The following ZFP64 variants were observed in gnomAD, a reference collection of about 807,000 sequenced individuals.
ZFP64 encodes the protein zinc finger protein 64.
Under a neutral mutation model 51.6 loss-of-function variants are expected in ZFP64, and 14 were observed. The observed-to-expected ratio is 0.27, with a 90% CI of 0.18 to 0.42. The LOEUF (loss-of-function observed/expected upper bound fraction) is 0.42. Ranked by LOEUF, ZFP64 falls within the 10% of genes least tolerant of loss-of-function variation. ZFP64 has a pLI of 1.00. For synonymous variants in ZFP64, 375 were observed against 361.4 expected (o/e 1.04, Z -0.43); for missense variants, 754 against 906.8 (o/e 0.83, Z 2.16).
Position 52,145,059 on chromosome 20 carries a change from C to T in ZFP64, c.763+15064G>A, listed in dbSNP as rs566897695. On this transcript the variant is annotated intron_variant, in intron 5 of 8. Transcript: ENST00000361387. ...AGATAGTCAAACTATTTCAGGTCAC[C>T]GAAAAAGAAGAAAAGAGCTCCAGCT... 1.8e-4 allele frequency among the ~76,000 whole-genome samples: 28 copies of T among 151,996 alleles called. 1 individual carries two copies. The highest frequency in any genetic ancestry group is 6.8e-3 in the Middle Eastern group (2 of 294).
intron 8 of ZFP64, among the ~76,000 whole-genome samples, chr20:52,086,644 AT>A (rs1173169176): frequency 6.6e-6 from 1 of 151,618 alleles, no homozygotes; most frequent in Non-Finnish European, 1.5e-5. Context: ...CGCCCAGCTA[AT>A]TTTTTTGTAT....
chr20:52,152,871 G>A lies in ZFP64; in HGVS notation c.1321C>T (p.Arg441Cys), dbSNP rs2122957697. 6.2e-7 allele frequency: 1 copy of A among 1,614,122 alleles called. No homozygotes were observed. The highest frequency in any genetic ancestry group is 8.5e-7 in the Non-Finnish European group (1 of 1,180,038). The change falls in exon 6 of 6, where the codon CGC becomes TGC. Residue 441 changes from arginine (R) to cysteine (C), a missense_variant. Transcript: ENST00000216923. ...TCACTGTGCTGTCTCTTGTGGCTGCGGAGCGAGTCCTCCCGCATGAAGGAG... is the reference window on the plus strand; with the variant it reads ...TCACTGTGCTGTCTCTTGTGGCTGCAGAGCGAGTCCTCCCGCATGAAGGAG... ...DASFMREDSL[R>C]SHKRQHSEYS...
At chr20:52,179,196 T>C (rs1184014980) in intron 2 of ZFP64, among the ~76,000 whole-genome samples, 1 of 152,200 alleles carries the variant, frequency 6.6e-6, no homozygotes, top group Non-Finnish European at 1.5e-5. Flanking sequence ...TTATCTCTTG[T>C]CTGCTGCTAT....
In ZFP64 at chr20:52,160,589, A is replaced by C. The variant is rs1210962954; in HGVS notation, c.512-215T>G. Among the ~76,000 whole-genome samples, 1 of 152,224 alleles carries C rather than the reference A, an allele frequency of 6.6e-6. No homozygotes were observed. The highest frequency in any genetic ancestry group is 1.5e-5 in the Non-Finnish European group (1 of 68,040). On this transcript the variant is annotated intron_variant, in intron 4 of 5. Coordinates refer to ENST00000216923, the MANE Select transcript of ZFP64 (RefSeq NM_018197.3). This position sits in a 1 kb window ranked among gnomAD's most constrained non-coding sequence, Gnocchi z 4.2. ...TATTGGTATTACTTGAATTTTTAAA[A>C]TGATGAATATGAATTTCTTATAAAT...
At chr20:52,180,302 C>T (rs562817913) in intron 2 of ZFP64, among the ~76,000 whole-genome samples, 5 of 152,314 alleles carry the variant, frequency 3.3e-5, no homozygotes, top group Admixed American at 1.3e-4. Flanking sequence ...CCCTTGGAAT[C>T]GCATTGGAAT....
chr20:52,174,709 G>T (rs1381126082), intron 2 of ZFP64, among the ~76,000 whole-genome samples: 1 of 152,060 alleles, frequency 6.6e-6, no homozygotes, highest in African/African-American at 2.4e-5. Context: ...AGACATCTAG[G>T]AATTGACTTT....
chr20:52,085,359 G>A lies in ZFP64; in HGVS notation c.1229-93C>T. On this transcript the variant is annotated intron_variant, in intron 8 of 8. Coordinates refer to the ZFP64 transcript ENST00000361387. The surrounding 1 kb of genome is among the most constrained non-coding windows in gnomAD (Gnocchi z 4.3). ...TTAGCACACTTGGCCGCCATGAGAT[G>A]GTTGGGTTTTGTGAACTCTAAACCC... 1 of 1,377,736 alleles carries A rather than the reference G, an allele frequency of 7.3e-7. No homozygotes were observed. Among genetic ancestry groups the A allele is most frequent in the South Asian group, 1.5e-5 (1 of 68,556 alleles). The allele number at this position is 1,377,736 out of a possible 1,614,324, so 85.3% of individuals were successfully genotyped here.
chr20:52,165,958 G>C lies in ZFP64; in HGVS notation c.354C>G (p.Asn118Lys). ...QTYLPTESNENQTATVISLPA... is the reference protein window; with the variant it reads ...QTYLPTESNEKQTATVISLPA... ...GGAGAGAGATGACAGTGGCTGTCTG[G>C]TTTTCATTACTTTCCGTGGGCAGGT... The change falls in exon 3 of 6, where the codon AAC becomes AAG. Residue 118 changes from asparagine (N) to lysine (K), a missense_variant. Transcript: ENST00000216923. The C allele has an allele frequency of 6.2e-7, 1 of 1,614,056 alleles. No homozygotes were observed. The highest frequency in any genetic ancestry group is 8.5e-7 in the Non-Finnish European group (1 of 1,179,992).
intron 2 of ZFP64, among the ~76,000 whole-genome samples, chr20:52,184,184 T>C (rs1983803735): frequency 6.6e-6 from 1 of 152,124 alleles, no homozygotes; most frequent in Non-Finnish European, 1.5e-5. Flanking sequence ...CTCCAGACTA[T>C]TGGGTAAACA....
downstream of ZFP64, among the ~76,000 whole-genome samples, chr20:52,149,390 A>T (rs978156137): frequency 3.3e-5 from 5 of 152,188 alleles, no homozygotes; most frequent in African/African-American, 4.8e-5. Flanking sequence ...AAAGCCTGGC[A>T]TGTCTCTAAC....
intron 5 of ZFP64, among the ~76,000 whole-genome samples, chr20:52,142,711 G>A (rs1980334879): frequency 7.1e-6 from 1 of 141,692 alleles, no homozygotes; most frequent in Non-Finnish European, 1.6e-5. Flanking sequence ...GTGGTGGGGT[G>A]CACCTGTAAT....
intron 5 of ZFP64, among the ~76,000 whole-genome samples, chr20:52,106,897 G>C (rs1038812850): frequency 1.3e-5 from 2 of 152,138 alleles, no homozygotes; most frequent in Non-Finnish European, 2.9e-5. Context: ...AGGAGTTCTA[G>C]ACCAGCCTGG....
chr20:52,159,962 G>A (rs1005822720), intron 5 of ZFP64, among the ~76,000 whole-genome samples, 161 bp downstream of exon 5: 11 of 152,088 alleles, frequency 7.2e-5, no homozygotes, highest in African/African-American at 1.9e-4. Context: ...GCAACAGAGC[G>A]AGACAAAACA....
intron 7 of ZFP64, among the ~76,000 whole-genome samples, chr20:52,089,780 G>T (rs1259732482): frequency 6.6e-6 from 1 of 151,318 alleles, no homozygotes; most frequent in Non-Finnish European, 1.5e-5. Context: ...TGTAAACTAT[G>T]GTCTTTGGTT....
At chr20:52,112,914 G>A (rs1236967594) in intron 5 of ZFP64, among the ~76,000 whole-genome samples, 9 of 152,058 alleles carry the variant, frequency 5.9e-5, no homozygotes, top group Admixed American at 5.9e-4. Flanking sequence ...ACCGTGCCTG[G>A]CTGGGTTCTC....
At chr20:52,189,506 G>A (rs1444930851) in intron 1 of ZFP64, among the ~76,000 whole-genome samples, 2 of 138,632 alleles carry the variant, frequency 1.4e-5, no homozygotes, top group African/African-American at 5.4e-5. Context: ...ATGGAGTTTT[G>A]CTCTTGTTGC....
intron 5 of ZFP64, among the ~76,000 whole-genome samples, chr20:52,129,964 C>T (rs1979644618): frequency 6.6e-6 from 1 of 152,106 alleles, no homozygotes; most frequent in Non-Finnish European, 1.5e-5. Flanking sequence ...GCTCCTCTTT[C>T]CCTTGCTCAC....
At chr20:52,179,343 A>T (rs1983455552) in intron 2 of ZFP64, among the ~76,000 whole-genome samples, 1 of 152,194 alleles carries the variant, frequency 6.6e-6, no homozygotes, top group South Asian at 2.1e-4. Flanking sequence ...AAAACGGACT[A>T]ACACAGCCAC....
At chr20:52,169,268 C>G (rs1982520920) in intron 2 of ZFP64, among the ~76,000 whole-genome samples, 1 of 152,192 alleles carries the variant, frequency 6.6e-6, no homozygotes, top group Admixed American at 6.5e-5. Flanking sequence ...ACTTGTGCAT[C>G]AAACTCTCAA....
Sources: allele counts gnomAD v4.1 joint callset (sites outside exome capture counted in the v4.1 genomes callset), GRCh38; gene constraint gnomAD v4.1.1; non-coding constraint Gnocchi (gnomAD v3.1); transcripts MANE v1.5; gene names NCBI Gene and HGNC (gene_info 2026-07-23, HGNC 2026-07-21).